Variants in PCDH15 observed in about 807,000 individuals in gnomAD.
PCDH15 encodes protocadherin-15.
In PCDH15, 129 loss-of-function variants were observed where a neutral mutation model predicts 178.5. That is an observed-to-expected ratio of 0.72 (90% CI 0.63 to 0.84). The LOEUF (loss-of-function observed/expected upper bound fraction) is 0.84. Ranked by LOEUF, PCDH15 falls within the 40% of genes least tolerant of loss-of-function variation. The pLI is 0.00. For synonymous variants in PCDH15, 800 were observed against 732.0 expected, an observed-to-expected ratio of 1.09 and a Z score of -1.50; for missense variants, 2,230 against 2,099.9, an observed-to-expected ratio of 1.06 and a Z score of -1.21.
At chr10:55,280,282 T>C (rs1304860748) in intron 1 of PCDH15, among the ~76,000 whole-genome samples, 1 of 139,434 alleles carries the variant, frequency 7.2e-6, no homozygotes, top group East Asian at 2.0e-4. Context: ...TTTTTTTTTT[T>C]TTTTTTTTTT....
intron 18 of PCDH15, among the ~76,000 whole-genome samples, chr10:54,035,927 C>G (rs2135466059): frequency 6.6e-6 from 1 of 151,992 alleles, no homozygotes; most frequent in East Asian, 1.9e-4. Context: ...TGATGTGAAG[C>G]TGATGTGAAG....
chr10:54,397,331 C>G (rs559330883), intron 3 of PCDH15, among the ~76,000 whole-genome samples: 6 of 152,092 alleles, frequency 3.9e-5, no homozygotes, highest in African/African-American at 1.2e-4. Context: ...ATAATAGGAG[C>G]CTAAATTCCA....
chr10:54,858,303 T>C (rs1416465853), intron 3 of PCDH15, among the ~76,000 whole-genome samples: 1 of 152,216 alleles, frequency 6.6e-6, no homozygotes, highest in South Asian at 2.1e-4. Flanking sequence ...TCTTTGTTGA[T>C]TCATTCATTG....
At chr10:53,895,618 T>C (rs1320604588) in intron 26 of PCDH15, among the ~76,000 whole-genome samples, 1 of 152,198 alleles carries the variant, frequency 6.6e-6, no homozygotes, top group Non-Finnish European at 1.5e-5. Flanking sequence ...TTTTTTAAAA[T>C]TAATCTTGAT....
intron 1 of PCDH15, among the ~76,000 whole-genome samples, chr10:54,735,282 C>T (rs1943951784): frequency 6.6e-6 from 1 of 151,990 alleles, no homozygotes; most frequent in Non-Finnish European, 1.5e-5. Context: ...GAAAAATATT[C>T]TGTGTATTTT....
At chr10:54,378,750 T>C (rs771576079) in intron 4 of PCDH15, 32 bp downstream of exon 4, 3 of 1,604,862 alleles carry the variant, frequency 1.9e-6, no homozygotes, top group South Asian at 2.2e-5. Flanking sequence ...AATAAACTTA[T>C]ATTACAGGGG....
intron 3 of PCDH15, among the ~76,000 whole-genome samples, chr10:54,855,260 C>T (rs548399229): frequency 6.6e-6 from 1 of 152,136 alleles, no homozygotes; most frequent in Non-Finnish European, 1.5e-5. Flanking sequence ...AGCAGGAGAC[C>T]CAGGTCTGCA....
At chr10:54,545,338 T>C (rs1159866980) in intron 2 of PCDH15, among the ~76,000 whole-genome samples, 1 of 152,168 alleles carries the variant, frequency 6.6e-6, no homozygotes, top group Non-Finnish European at 1.5e-5. Context: ...ACTCTTTAAA[T>C]AATAGAAAAG....
intron 32 of PCDH15, chr10:53,823,576 T>TG: frequency 7.6e-6 from 5 of 659,200 alleles, no homozygotes; most frequent in South Asian, 6.7e-5. Context: ...GAAATGTAAA[T>TG]GAAAAAAAAA....
intron 2 of PCDH15, among the ~76,000 whole-genome samples, chr10:54,566,805 A>G (rs902315261): frequency 6.6e-6 from 1 of 152,176 alleles, no homozygotes; most frequent in African/African-American, 2.4e-5. Flanking sequence ...TGCTGTAAAC[A>G]TCTATGTGCA....
chr10:54,334,427 G>A (rs933341477), intron 6 of PCDH15, among the ~76,000 whole-genome samples: 6 of 152,050 alleles, frequency 3.9e-5, no homozygotes, highest in Non-Finnish European at 8.8e-5. Flanking sequence ...TACTAATATG[G>A]GTTTGCACCA....
At chr10:54,768,367 G>T (rs1948742442) in intron 1 of PCDH15, among the ~76,000 whole-genome samples, 1 of 152,108 alleles carries the variant, frequency 6.6e-6, no homozygotes, top group African/African-American at 2.4e-5. Flanking sequence ...GAGCTCTGTT[G>T]TCCGTTGATT....
At chr10:55,523,833 C>A (rs2132168144) in intron 2 of PCDH15, among the ~76,000 whole-genome samples, 1 of 151,666 alleles carries the variant, frequency 6.6e-6, no homozygotes. Flanking sequence ...TGCTCAATTG[C>A]ATTTTTTCCC....
intron 23 of PCDH15, among the ~76,000 whole-genome samples, chr10:53,958,981 A>AG (rs1438719502): frequency 6.9e-6 from 1 of 145,388 alleles, no homozygotes; most frequent in African/African-American, 2.5e-5. Context: ...TCCATCTCAA[A>AG]AAAAAAAAAA....
intron 3 of PCDH15, among the ~76,000 whole-genome samples, chr10:54,892,731 C>CTT (rs565482831): frequency 1.9e-4 from 26 of 134,662 alleles, no homozygotes; most frequent in Admixed American, 3.1e-4. Context: ...AATAATTTTT[C>CTT]TTTTTTTTTT....
intron 8 of PCDH15, among the ~76,000 whole-genome samples, chr10:54,308,604 G>C (rs1474234089): frequency 6.6e-6 from 1 of 151,956 alleles, no homozygotes; most frequent in East Asian, 1.9e-4. Flanking sequence ...GAGAACCAAG[G>C]ATTCCTTTGC....
intron 1 of PCDH15, among the ~76,000 whole-genome samples, chr10:55,308,244 A>G (rs147015819): frequency 2.0e-5 from 3 of 152,308 alleles, no homozygotes; most frequent in Non-Finnish European, 4.4e-5. Flanking sequence ...GTGTGTCTCT[A>G]TAACAAGCGG....
chr10:55,072,282 C>A (rs1435630317), intron 2 of PCDH15, among the ~76,000 whole-genome samples: 1 of 152,066 alleles, frequency 6.6e-6, no homozygotes, highest in Non-Finnish European at 1.5e-5. Flanking sequence ...ACATAAAAAT[C>A]CCTTCAAAAA....
intron 3 of PCDH15, among the ~76,000 whole-genome samples, chr10:54,481,403 A>ATG (rs2078706948): frequency 2.0e-5 from 3 of 151,604 alleles, no homozygotes; most frequent in Admixed American, 1.3e-4. Context: ...ATGCTGATAA[A>ATG]TATATGTGTG....
Sources: allele counts gnomAD v4.1 joint callset (sites outside exome capture counted in the v4.1 genomes callset), GRCh38; gene constraint gnomAD v4.1.1; transcripts MANE v1.5; gene names NCBI Gene and HGNC (gene_info 2026-07-23, HGNC 2026-07-21).